The following PACRG variants were observed in gnomAD, a reference collection of about 807,000 sequenced individuals.
The protein encoded by PACRG is parkin coregulated gene protein.
A neutral mutation model predicts 29.7 loss-of-function variants in PACRG; 29 were observed. That is an observed-to-expected ratio of 0.98 (90% CI 0.73 to 1.33). The LOEUF (loss-of-function observed/expected upper bound fraction) is 1.33. Among genes scored for constraint, PACRG ranks in the 40% most tolerant of loss-of-function variants. The pLI, the probability that PACRG is intolerant of heterozygous loss-of-function variation, is 0.00. For synonymous variants in PACRG, 116 were observed against 118.7 expected, an observed-to-expected ratio of 0.98 and a Z score of 0.15; for missense variants, 279 against 316.2, an observed-to-expected ratio of 0.88 and a Z score of 0.89.
At chr6:162,727,679 T>C (rs765760680), upstream of PACRG, 15 of 1,577,756 alleles carry the variant, frequency 9.5e-6, no homozygotes, top group Non-Finnish European at 1.3e-5. Context: ...GGTCACTGGG[T>C]AGGTGGCGGC....
intron 4 of PACRG, among the ~76,000 whole-genome samples, chr6:163,218,667 T>C (rs1245011209): frequency 6.6e-6 from 1 of 152,178 alleles, no homozygotes; most frequent in Non-Finnish European, 1.5e-5. Flanking sequence ...AACCATCTGC[T>C]CTGATAACAG....
At chr6:163,290,526 C>T (rs1784564676) in intron 4 of PACRG, among the ~76,000 whole-genome samples, 1 of 152,176 alleles carries the variant, frequency 6.6e-6, no homozygotes, top group Admixed American at 6.5e-5. Context: ...CAGCCTGCCC[C>T]CACCCCTGGA....
At chr6:163,209,825 T>C (rs988847961) in intron 4 of PACRG, among the ~76,000 whole-genome samples, 4 of 152,184 alleles carry the variant, frequency 2.6e-5, no homozygotes, top group Non-Finnish European at 4.4e-5. Flanking sequence ...ACAAACATAT[T>C]CTTTATTTTA....
chr6:162,922,079 C>T (rs1797103353), intron 2 of PACRG, among the ~76,000 whole-genome samples: 1 of 151,888 alleles, frequency 6.6e-6, no homozygotes, highest in South Asian at 2.1e-4. Flanking sequence ...GCTTGTGGGA[C>T]CCTCCCTTAC....
At chr6:163,233,095 G>A (rs1782108626) in intron 4 of PACRG, among the ~76,000 whole-genome samples, 1 of 152,242 alleles carries the variant, frequency 6.6e-6, no homozygotes, top group African/African-American at 2.4e-5. Flanking sequence ...TGATGTTACA[G>A]AACACGCTCA....
chr6:163,129,038 A>C (rs1816626344), intron 4 of PACRG, among the ~76,000 whole-genome samples: 1 of 151,024 alleles, frequency 6.6e-6, no homozygotes, highest in African/African-American at 2.4e-5. Flanking sequence ...AACACCTAAA[A>C]CCCATTGATG....
intron 2 of PACRG, among the ~76,000 whole-genome samples, chr6:162,941,326 C>A (rs9365514): frequency 0.45 from 67,971 of 151,904 alleles, 15,731 homozygotes; most frequent in East Asian, 0.53. Context: ...CCTTCCTTTG[C>A]GTCTTGTATC....
At position 163,236,128 on chromosome 6, in the gene PACRG, A is replaced by C. The variant is rs559035136; in HGVS notation, c.614-78699A>C. On this transcript the variant is annotated intron_variant, in intron 4 of 4. Coordinates refer to ENST00000366888, the MANE Select transcript of PACRG (RefSeq NM_001080379.2). ...TTTGAAAGATGGTGGGATATGCCACACAGGGTATGGCATACCCTGTATGAA... is the reference window on the plus strand; with the variant it reads ...TTTGAAAGATGGTGGGATATGCCACCCAGGGTATGGCATACCCTGTATGAA... Among the ~76,000 whole-genome samples, 48 of 122,394 alleles carry C rather than the reference A, an allele frequency of 3.9e-4. 1 individual carries two copies. In the South Asian group the frequency reaches 0.013, roughly 33 times the overall value. The allele number at this position is 122,394 out of a possible 152,430, so 80.3% of individuals were successfully genotyped here.
rs775007947 is a variant in PACRG at position 163,314,919 on chromosome 6, G to A, written c.706G>A (p.Gly236Arg). The change falls in exon 5 of 5, where the codon GGA becomes AGA. Residue 236 changes from glycine (G) to arginine (R), a missense_variant. By Grantham distance (125) the Gly-to-Arg change is moderately radical. Transcript: ENST00000366888. ...QETLEAFERY[G>R]GENAFINIKY... is the part of the protein sequence containing the mutation. ...GACACTGGAGGCCTTCGAGCGCTAC[G>A]GAGGAGAAAATGCCTTTATCAACAT... 42 of 1,614,186 alleles carry A rather than the reference G, an allele frequency of 2.6e-5. No individual in the cohort carries two copies. The highest frequency in any genetic ancestry group is 1.8e-4 in the South Asian group (16 of 91,086).
intron 3 of PACRG, among the ~76,000 whole-genome samples, chr6:163,071,081 A>G (rs1049129058): frequency 6.6e-6 from 1 of 152,072 alleles, no homozygotes; most frequent in African/African-American, 2.4e-5. Context: ...GAGACAGACC[A>G]CAATACGATA....
At chr6:163,128,780 T>C (rs892760432) in intron 4 of PACRG, among the ~76,000 whole-genome samples, 3 of 152,194 alleles carry the variant, frequency 2.0e-5, no homozygotes, top group Non-Finnish European at 4.4e-5. Flanking sequence ...AGTTTCCAAC[T>C]AAATAAAGAT....
At chr6:162,902,986 G>A (rs1203578420) in intron 2 of PACRG, among the ~76,000 whole-genome samples, 1 of 152,080 alleles carries the variant, frequency 6.6e-6, no homozygotes, top group African/African-American at 2.4e-5. Flanking sequence ...ATACCTTACT[G>A]TTAATCCTTC....
chr6:163,192,801 G>A (rs1190279472), intron 4 of PACRG, among the ~76,000 whole-genome samples: 3 of 152,166 alleles, frequency 2.0e-5, no homozygotes, highest in Non-Finnish European at 4.4e-5. Flanking sequence ...CCCAGGTTGG[G>A]TGTGTTGGGA....
chr6:162,738,741 A>G (rs1780353208), intron 1 of PACRG, among the ~76,000 whole-genome samples: 1 of 152,234 alleles, frequency 6.6e-6, no homozygotes, highest in African/African-American at 2.4e-5. Context: ...CTCTGGTTAC[A>G]AAGTTGCATG....
intron 3 of PACRG, among the ~76,000 whole-genome samples, chr6:163,074,594 A>C (rs1364272893): frequency 6.6e-6 from 1 of 152,216 alleles, no homozygotes; most frequent in East Asian, 1.9e-4. Context: ...TAAATGCTGG[A>C]AGTGATGAAT....
chr6:162,801,780 A>G (rs929566516), intron 1 of PACRG, among the ~76,000 whole-genome samples: 5 of 152,160 alleles, frequency 3.3e-5, no homozygotes, highest in African/African-American at 1.2e-4. Flanking sequence ...TTTTGGTTAT[A>G]AGATTGTAGT....
intron 4 of PACRG, among the ~76,000 whole-genome samples, chr6:163,218,401 C>A (rs866514472): frequency 6.6e-6 from 1 of 151,880 alleles, no homozygotes; most frequent in African/African-American, 2.4e-5. Context: ...CCTTTTTGCC[C>A]CCACATCCCC....
intron 4 of PACRG, among the ~76,000 whole-genome samples, chr6:163,117,246 C>G (rs1816046937): frequency 6.6e-6 from 1 of 152,196 alleles, no homozygotes; most frequent in East Asian, 1.9e-4. Context: ...ATGTGGAACC[C>G]TTCTTGGTGC....
At chr6:162,805,222 C>T (rs1359885903) in intron 1 of PACRG, among the ~76,000 whole-genome samples, 1 of 152,172 alleles carries the variant, frequency 6.6e-6, no homozygotes, top group East Asian at 1.9e-4. Flanking sequence ...TTTCAGACCA[C>T]TGCAATGAAG....
Sources: allele counts gnomAD v4.1 joint callset (sites outside exome capture counted in the v4.1 genomes callset), GRCh38; gene constraint gnomAD v4.1.1; transcripts MANE v1.5; gene names NCBI Gene and HGNC (gene_info 2026-07-23, HGNC 2026-07-21).